The following RANBP3L variants were observed in gnomAD, a reference collection of about 807,000 sequenced individuals.
The protein encoded by RANBP3L is ran-binding protein 3-like.
RANBP3L carries 56 observed loss-of-function variants against 67.2 expected under a neutral mutation model. That is an observed-to-expected ratio of 0.83 (90% confidence interval 0.67 to 1.04). The LOEUF is 1.04. RANBP3L is among the 50% of genes least tolerant of loss of function. RANBP3L has a pLI of 0.00. For synonymous variants in RANBP3L, 164 were observed against 181.4 expected, an observed-to-expected ratio of 0.90 and a Z score of 0.77; for missense variants, 496 against 535.5, an observed-to-expected ratio of 0.93 and a Z score of 0.73.
At chr5:36,296,490 T>A (rs1752225454) in intron 1 of RANBP3L, among the ~76,000 whole-genome samples, 1 of 152,138 alleles carries the variant, frequency 6.6e-6, no homozygotes, top group African/African-American at 2.4e-5. Flanking sequence ...TAGATCAATT[T>A]AAAAAAATTA....
chr5:36,271,195 C>T lies in RANBP3L; in HGVS notation c.150+58G>A, dbSNP rs1319142563. The stretch of plus-strand genomic sequence containing the variant: ...TGATATCTTTCAGGATAACTAGCTT[C>T]CTGAAATATAATTGTCTTTGTCAAA... On this transcript the variant is annotated intron_variant, in intron 2 of 13. Coordinates refer to ENST00000296604, the MANE Select transcript of RANBP3L (RefSeq NM_145000.5). 6 of 985,038 alleles carry T rather than the reference C, an allele frequency of 6.1e-6. No homozygotes were observed. The African/African-American group carries it at 8.0e-5, about 13-fold the overall frequency. 61.0% of individuals were successfully genotyped at this position (985,038 alleles called of 1,614,324 possible).
At chr5:36,278,830 C>A (rs544191552) in intron 1 of RANBP3L, among the ~76,000 whole-genome samples, 1 of 152,100 alleles carries the variant, frequency 6.6e-6, no homozygotes. Context: ...TTCTCACATG[C>A]AAAAGTTCGC....
At chr5:36,274,865 GT>G (rs1750468148) in intron 1 of RANBP3L, among the ~76,000 whole-genome samples, 1 of 151,952 alleles carries the variant, frequency 6.6e-6, no homozygotes. Flanking sequence ...TTTTTTCTTT[GT>G]TTAAAATCAT....
chr5:36,286,894 G>A (rs778632200), intron 1 of RANBP3L, among the ~76,000 whole-genome samples: 7 of 152,108 alleles, frequency 4.6e-5, no homozygotes, highest in African/African-American at 1.7e-4. Context: ...TCTTCCCTGA[G>A]CACCCTGCTT....
Position 36,251,356 on chromosome 5 carries a change from A to G in RANBP3L, c.1311T>C (p.Asp437=). ...CTTGGATGAAATCATCCTCATTCTC[A>G]TCACAGCTTTCGCAGTTCAATTGTT... ...TAQQLNCESC[D]ENEDDFIQVT... Residue 437 remains aspartate (D), a synonymous_variant, in exon 13 of 14, where the codon GAT becomes GAC. Coordinates refer to ENST00000296604, the MANE Select transcript of RANBP3L (RefSeq NM_145000.5). 6.2e-7 allele frequency: 1 copy of G among 1,613,246 alleles called. No individual in the cohort carries two copies. The highest frequency in any genetic ancestry group is 1.1e-5 in the South Asian group (1 of 90,986).
chr5:36,289,399 C>A lies in RANBP3L; in HGVS notation c.91+11927G>T, dbSNP rs74862927. Among the ~76,000 whole-genome samples, 1,597 of 152,144 alleles carry A rather than the reference C, an allele frequency of 0.01. 120 individuals are homozygous for A. The East Asian group carries it at 0.19, about 18-fold the overall frequency. On this transcript the variant is annotated intron_variant, in intron 1 of 13. Coordinates refer to ENST00000296604, the MANE Select transcript of RANBP3L (RefSeq NM_145000.5). ...TTCTAGGTCCTTAATATTTCCTTATCCTTTTAAAATCAGTTTGTCAATTTC... is the reference window on the plus strand; with the variant it reads ...TTCTAGGTCCTTAATATTTCCTTATACTTTTAAAATCAGTTTGTCAATTTC...
rs1748418332 is a variant in RANBP3L at position 36,248,770 on chromosome 5, C to G, written c.*884G>C. Reference sequence around the variant, plus strand: ...TTTTCTTGTGTGATTCATGAGGTGTCTCTGAAACAAATCGCAAAGAAGAGG... The same window carrying G: ...TTTTCTTGTGTGATTCATGAGGTGTGTCTGAAACAAATCGCAAAGAAGAGG... On this transcript the variant is annotated 3_prime_UTR_variant, in exon 14 of 14. Transcript: ENST00000296604. 6.6e-6 allele frequency: 1 copy of G among 152,090 alleles called. No homozygotes were observed. 9.4% of individuals were successfully genotyped at this position (152,090 alleles called of 1,614,324 possible).
At chr5:36,259,567 A>G (rs1333918459) in intron 8 of RANBP3L, among the ~76,000 whole-genome samples, 2 of 147,308 alleles carry the variant, frequency 1.4e-5, no homozygotes, top group African/African-American at 4.9e-5. Flanking sequence ...TAGGTGAAAG[A>G]GCAAGACCTC....
At chr5:36,280,253 A>T (rs1750879793) in intron 1 of RANBP3L, among the ~76,000 whole-genome samples, 1 of 152,204 alleles carries the variant, frequency 6.6e-6, no homozygotes, top group Non-Finnish European at 1.5e-5. Context: ...TATCAAACAC[A>T]GACCTGCTAC....
chr5:36,285,339 A>AAGGTG (rs1298520745), intron 1 of RANBP3L, among the ~76,000 whole-genome samples: 1 of 152,186 alleles, frequency 6.6e-6, no homozygotes, highest in Non-Finnish European at 1.5e-5. Context: ...CTTATCATCT[A>AAGGTG]AGGTGTCAAG....
At chr5:36,276,206 A>G (rs954973139) in intron 1 of RANBP3L, among the ~76,000 whole-genome samples, 3 of 152,160 alleles carry the variant, frequency 2.0e-5, no homozygotes, top group Admixed American at 2.0e-4. Context: ...TCTGCTTTTT[A>G]TGATGCCATC....
intron 1 of RANBP3L, among the ~76,000 whole-genome samples, chr5:36,281,813 T>G (rs1484223186): frequency 6.6e-6 from 1 of 152,230 alleles, no homozygotes; most frequent in Non-Finnish European, 1.5e-5. Context: ...TTTCAGACAC[T>G]GGCAGCAATA....
At chr5:36,273,292 A>C (rs1750351855) in intron 1 of RANBP3L, among the ~76,000 whole-genome samples, 1 of 152,168 alleles carries the variant, frequency 6.6e-6, no homozygotes, top group African/African-American at 2.4e-5. Flanking sequence ...CCTCTATCCA[A>C]GCATATAACT....
intron 9 of RANBP3L, 80 bp downstream of exon 9, chr5:36,257,369 CTTATA>C (rs369254399): frequency 2.1e-5 from 10 of 482,718 alleles, no homozygotes; most frequent in African/African-American, 8.2e-5. Flanking sequence ...ATTAATTTTA[CTTATA>C]TTAAATATTA....
At chr5:36,290,541 A>T (rs1360482266) in intron 1 of RANBP3L, among the ~76,000 whole-genome samples, 2 of 151,860 alleles carry the variant, frequency 1.3e-5, no homozygotes, top group Non-Finnish European at 2.9e-5. Flanking sequence ...TGATTAATCT[A>T]GGTAGGGGTT....
chr5:36,265,127 A>G lies in RANBP3L; in HGVS notation c.341-29T>C, dbSNP rs371848991. 321 of 1,389,636 alleles carry G rather than the reference A, an allele frequency of 2.3e-4. 1 individual carries two copies. The African/African-American group carries it at 2.4e-3, about 10-fold the overall frequency. The allele number at this position is 1,389,636 out of a possible 1,614,324, so 86.1% of individuals were successfully genotyped here. A position where few individuals can be genotyped will look rare whatever the true frequency, so the allele number is the denominator to read the frequency against. ...AAAAGAATAGAATTAAAGGATAAAT[A>G]TATGTTTACTGAAATATTCCTTTAC... On this transcript the variant is annotated intron_variant, in intron 5 of 13. Coordinates refer to ENST00000296604, the MANE Select transcript of RANBP3L (RefSeq NM_145000.5).
At chr5:36,291,812 TG>T (rs1751802271) in intron 1 of RANBP3L, among the ~76,000 whole-genome samples, 1 of 108,804 alleles carries the variant, frequency 9.2e-6, no homozygotes, top group African/African-American at 3.5e-5. Context: ...GTTGGACATT[TG>T]GGTTGGTTCC....
intron 1 of RANBP3L, among the ~76,000 whole-genome samples, chr5:36,296,119 C>T (rs933938638): frequency 6.6e-6 from 1 of 152,154 alleles, no homozygotes; most frequent in African/African-American, 2.4e-5. Flanking sequence ...TGTACCTCTT[C>T]ATCTGGCTGA....
At chr5:36,272,227 A>T (rs1750268432) in intron 1 of RANBP3L, among the ~76,000 whole-genome samples, 1 of 152,202 alleles carries the variant, frequency 6.6e-6, no homozygotes, top group Admixed American at 6.5e-5. Flanking sequence ...TAACAAAAAC[A>T]AAAAAGCCTT....
Sources: allele counts gnomAD v4.1 joint callset (sites outside exome capture counted in the v4.1 genomes callset), GRCh38; gene constraint gnomAD v4.1.1; transcripts MANE v1.5; gene names NCBI Gene and HGNC (gene_info 2026-07-23, HGNC 2026-07-21).